Variants in LUZP2 observed in about 807,000 individuals in gnomAD.
LUZP2 encodes the protein leucine zipper protein 2.
LUZP2 carries 52 observed loss-of-function variants against 51.6 expected under a neutral mutation model. The ratio of observed to expected loss-of-function variants is 1.01; its 90% CI spans 0.81 to 1.27. The LOEUF is 1.27. Among genes scored for constraint, LUZP2 ranks in the 50% most tolerant of loss-of-function variants. The pLI is 0.00. For synonymous variants in LUZP2, 154 were observed against 137.3 expected, an observed-to-expected ratio of 1.12 and a Z score of -0.85; for missense variants, 436 against 395.4, an observed-to-expected ratio of 1.10 and a Z score of -0.87.
At chr11:24,882,824 G>GAGGC in intron 5 of LUZP2, among the ~76,000 whole-genome samples, 3 of 146,176 alleles carry the variant, frequency 2.1e-5, no homozygotes, top group African/African-American at 7.5e-5. Flanking sequence ...GGGAGGGAGG[G>GAGGC]AGGGAATGAG....
At chr11:24,906,792 T>G (rs936948950) in intron 6 of LUZP2, among the ~76,000 whole-genome samples, 1 of 152,142 alleles carries the variant, frequency 6.6e-6, no homozygotes, top group African/African-American at 2.4e-5. Flanking sequence ...AGAAATATAT[T>G]CAAGAAATAG....
chr11:24,893,551 A>C (rs764894189), intron 5 of LUZP2, among the ~76,000 whole-genome samples: 15 of 152,132 alleles, frequency 9.9e-5, no homozygotes, highest in Non-Finnish European at 1.8e-4. Context: ...ACTACACATA[A>C]TATATCACCT....
chr11:24,947,136 T>C (rs1381871916), intron 7 of LUZP2, among the ~76,000 whole-genome samples: 1 of 152,054 alleles, frequency 6.6e-6, no homozygotes, highest in African/African-American at 2.4e-5. Context: ...TCAATTTCCA[T>C]ATATTTTGTA....
At chr11:24,863,123 T>C (rs1039647513) in intron 5 of LUZP2, among the ~76,000 whole-genome samples, 1 of 152,182 alleles carries the variant, frequency 6.6e-6, no homozygotes, top group African/African-American at 2.4e-5. Flanking sequence ...CTGGTGAGGC[T>C]GATTTGGAGA....
At chr11:24,924,732 T>C (rs1281987906) in intron 7 of LUZP2, among the ~76,000 whole-genome samples, 1 of 152,170 alleles carries the variant, frequency 6.6e-6, no homozygotes, top group African/African-American at 2.4e-5. Flanking sequence ...AAGATGTTCA[T>C]TGGTTCAGTT....
chr11:24,611,666 C>A lies in LUZP2; in HGVS notation c.62+114361C>A, dbSNP rs573664804. ...TCGTCATCATCATCATCATCCCTGGCGTTTATTGAGCCCTCCTTCAACACA... is the reference window on the plus strand; with the variant it reads ...TCGTCATCATCATCATCATCCCTGGAGTTTATTGAGCCCTCCTTCAACACA... On this transcript the variant is annotated intron_variant, in intron 1 of 11. Transcript: ENST00000336930. The surrounding 1 kb of genome is among the most constrained non-coding windows in gnomAD (Gnocchi z 4.6). Among the ~76,000 whole-genome samples, 1 of 152,054 alleles carries A rather than the reference C, an allele frequency of 6.6e-6. No individual in the cohort carries two copies. Among genetic ancestry groups the A allele is most frequent in the Non-Finnish European group, 1.5e-5 (1 of 68,008 alleles).
chr11:24,610,974 A>G (rs1854098228), intron 1 of LUZP2, among the ~76,000 whole-genome samples: 1 of 152,294 alleles, frequency 6.6e-6, no homozygotes, highest in South Asian at 2.1e-4. Flanking sequence ...CTCCTTTTTA[A>G]TATGATTAAA....
chr11:24,554,990 A>G (rs994582034), intron 1 of LUZP2, among the ~76,000 whole-genome samples: 2 of 152,106 alleles, frequency 1.3e-5, no homozygotes, highest in African/African-American at 4.8e-5. Flanking sequence ...GGCATGAAGT[A>G]CTGCATTCAT....
At chr11:24,967,507 T>C (rs1472531859) in intron 7 of LUZP2, among the ~76,000 whole-genome samples, 6 of 151,906 alleles carry the variant, frequency 3.9e-5, no homozygotes, top group Non-Finnish European at 8.8e-5. Flanking sequence ...AGTATTCCAG[T>C]GTACATATGT....
intron 1 of LUZP2, among the ~76,000 whole-genome samples, chr11:24,670,424 T>C (rs1386115454): frequency 6.6e-6 from 1 of 152,054 alleles, no homozygotes; most frequent in Non-Finnish European, 1.5e-5. Flanking sequence ...TATTAAAGAT[T>C]AGTTATATAA....
At chr11:24,876,241 T>G (rs1456912659) in intron 5 of LUZP2, among the ~76,000 whole-genome samples, 16 of 145,956 alleles carry the variant, frequency 1.1e-4, no homozygotes, top group East Asian at 2.1e-4. Flanking sequence ...GTCTAACATT[T>G]AAGTCTTTAA....
chr11:24,531,065 T>TA (rs56935474), intron 1 of LUZP2, among the ~76,000 whole-genome samples: 2 of 145,692 alleles, frequency 1.4e-5, no homozygotes, highest in South Asian at 2.1e-4. Flanking sequence ...TTATTATTAT[T>TA]TTGCCAGTGG....
At chr11:25,019,498 AATT>A (rs1488877661) in intron 9 of LUZP2, among the ~76,000 whole-genome samples, 4 of 152,036 alleles carry the variant, frequency 2.6e-5, no homozygotes, top group South Asian at 4.1e-4. Context: ...ATGAATTTTT[AATT>A]ATTATTATTT....
intron 10 of LUZP2, among the ~76,000 whole-genome samples, chr11:25,054,585 C>CT (rs1245178409): frequency 2.6e-5 from 4 of 151,990 alleles, no homozygotes; most frequent in Admixed American, 1.3e-4. Context: ...TAAAGAATAT[C>CT]TTTTTTTAAT....
chr11:24,883,850 A>G (rs1268848669), intron 5 of LUZP2, among the ~76,000 whole-genome samples: 5 of 152,040 alleles, frequency 3.3e-5, no homozygotes, highest in Non-Finnish European at 7.4e-5. Context: ...CTGTGCCTAA[A>G]GAGTGTTAAC....
intron 1 of LUZP2, among the ~76,000 whole-genome samples, chr11:24,635,792 T>C (rs4923202): frequency 0.13 from 19,909 of 152,104 alleles, 1,509 homozygotes; most frequent in East Asian, 0.3. Context: ...ACAGACAGCG[T>C]TGACTAAAAG....
At chr11:24,565,489 C>T (rs1356637795) in intron 1 of LUZP2, among the ~76,000 whole-genome samples, 1 of 152,050 alleles carries the variant, frequency 6.6e-6, no homozygotes, top group Non-Finnish European at 1.5e-5. Context: ...AAGGAACACT[C>T]ATGTTCAATA....
intron 1 of LUZP2, among the ~76,000 whole-genome samples, chr11:24,602,126 G>GTA (rs533429284): frequency 9.5e-6 from 1 of 105,176 alleles, no homozygotes; most frequent in Non-Finnish European, 2.0e-5. Context: ...ATGTATATAT[G>GTA]TATATGTGTA....
chr11:24,828,661 C>T (rs557063366), intron 5 of LUZP2, among the ~76,000 whole-genome samples: 16 of 151,640 alleles, frequency 1.1e-4, no homozygotes, highest in African/African-American at 3.9e-4. Flanking sequence ...GCGTGAATAA[C>T]AAGGCAAAAT....
Sources: allele counts gnomAD v4.1 joint callset (sites outside exome capture counted in the v4.1 genomes callset), GRCh38; gene constraint gnomAD v4.1.1; non-coding constraint Gnocchi (gnomAD v3.1); transcripts MANE v1.5; gene names NCBI Gene and HGNC (gene_info 2026-07-23, HGNC 2026-07-21).